ZNF704: variants seen among roughly 807,000 people sequenced by gnomAD.
ZNF704 encodes the protein zinc finger protein 704, also known as glucocorticoid induced gene 1.
Under a neutral mutation model 44.7 loss-of-function variants are expected in ZNF704, and 10 were observed. The observed-to-expected ratio is 0.22, with a 90% CI of 0.14 to 0.38. The LOEUF is 0.38. Among genes scored for constraint, ZNF704 ranks in the 10% least tolerant of loss-of-function variants. The pLI, the probability that ZNF704 is intolerant of heterozygous loss-of-function variation, is 1.00. For synonymous variants in ZNF704, 211 were observed against 207.6 expected (o/e 1.02, Z -0.14); for missense variants, 390 against 545.5 (o/e 0.71, Z 2.84).
At chr8:80,728,537 T>C (rs1806523026) in intron 2 of ZNF704, among the ~76,000 whole-genome samples, 1 of 152,194 alleles carries the variant, frequency 6.6e-6, no homozygotes, top group Admixed American at 6.5e-5. Flanking sequence ...AGTTAGGCAT[T>C]TCGTAAGGCA....
chr8:80,659,661 G>A lies in ZNF704; in HGVS notation c.956C>T (p.Ser319Leu), dbSNP rs1217613495. The A allele has an allele frequency of 2.5e-6, 4 of 1,613,838 alleles. No homozygotes were observed. The highest frequency in any genetic ancestry group is 1.3e-5 in the African/African-American group (1 of 74,908). ...GCTGCCATTGGGGGTGAACTTGGCC[G>A]ATCCTGGAATGGTCACAGGGGGTGT... is the stretch of plus-strand genomic sequence containing the variant. ...QATPPVTIPG[S>L]AKFTPNGSSF... is the part of the protein sequence containing the mutation. The change falls in exon 7 of 9, where the codon TCG (serine) becomes TTG (leucine). Residue 319 changes from serine to leucine, a missense_variant. Around this residue, in one of 3 missense-constraint regions of ZNF704, gnomAD observed 305 missense variants for 435.7 expected, o/e 0.70. Coordinates refer to ENST00000327835, the MANE Select transcript of ZNF704 (RefSeq NM_001033723.3).
chr8:80,845,595 G>A (rs1399830861), intron 1 of ZNF704, among the ~76,000 whole-genome samples: 1 of 152,154 alleles, frequency 6.6e-6, no homozygotes, highest in Non-Finnish European at 1.5e-5. Context: ...AAAGATTGTG[G>A]ACTTTACTGG....
intron 1 of ZNF704, among the ~76,000 whole-genome samples, chr8:80,823,940 C>G (rs925448475): frequency 6.6e-6 from 1 of 152,118 alleles, no homozygotes; most frequent in African/African-American, 2.4e-5. Context: ...CATCAAAGAC[C>G]AAAGGTAGAT....
chr8:80,682,886 T>C (rs1818476578), intron 4 of ZNF704, among the ~76,000 whole-genome samples: 1 of 152,212 alleles, frequency 6.6e-6, no homozygotes, highest in African/African-American at 2.4e-5. Flanking sequence ...GCCAAGTGAC[T>C]TGCTTAAGTC....
chr8:80,854,468 A>G (rs561506664), intron 1 of ZNF704, among the ~76,000 whole-genome samples: 46 of 152,354 alleles, frequency 3.0e-4, no homozygotes, highest in African/African-American at 1.0e-3. Flanking sequence ...ATATAATTAG[A>G]GGAACTTGCC....
At chr8:80,780,378 T>C (rs16908022) in intron 2 of ZNF704, among the ~76,000 whole-genome samples, 9,556 of 152,082 alleles carry the variant, frequency 0.063, 348 homozygotes, top group Middle Eastern at 0.13. Flanking sequence ...GAGAAGCGGA[T>C]GGAATCTTCA....
At chr8:80,789,349 T>C (rs1467445998) in intron 2 of ZNF704, among the ~76,000 whole-genome samples, 3 of 152,180 alleles carry the variant, frequency 2.0e-5, no homozygotes, top group African/African-American at 4.8e-5. Flanking sequence ...CCATCTTACA[T>C]TGATATATCA....
At chr8:80,844,961 T>G (rs977472341) in intron 1 of ZNF704, among the ~76,000 whole-genome samples, 2 of 152,062 alleles carry the variant, frequency 1.3e-5, no homozygotes, top group African/African-American at 4.8e-5. Flanking sequence ...ATTACAGGCA[T>G]GAGTCACTGC....
chr8:80,877,314 G>C (rs1281857169), upstream of ZNF704, among the ~76,000 whole-genome samples: 1 of 152,074 alleles, frequency 6.6e-6, no homozygotes, highest in African/African-American at 2.4e-5. Context: ...TGTTCAGGCA[G>C]GGAGAGCAGC....
rs749120457 is a variant in ZNF704, at chr8:80,727,350, TCAGA to T, written c.222-34247_222-34244del. Among the ~76,000 whole-genome samples, 6 of 152,190 alleles carry T rather than the reference TCAGA, an allele frequency of 3.9e-5. No individual in the cohort carries two copies. In the East Asian group the frequency reaches 1.2e-3, roughly 29 times the overall value. On this transcript the variant is annotated intron_variant, in intron 2 of 8. Transcript: ENST00000327835. Reference sequence around the variant, plus strand: ...GTGGAAGAGGGGAAAGATTCTGCTCTCAGACAAAGAAGGAGATGCAAAAGAAACA... The same window carrying T: ...GTGGAAGAGGGGAAAGATTCTGCTCTCAAAGAAGGAGATGCAAAAGAAACA...
chr8:80,658,702 T>C (rs1295364639), intron 7 of ZNF704: 1 of 152,254 alleles, frequency 6.6e-6, no homozygotes, highest in Non-Finnish European at 1.5e-5. Context: ...TTAATAAATA[T>C]TCATCAACAG....
chr8:80,816,204 T>C (rs1043827142), intron 2 of ZNF704, among the ~76,000 whole-genome samples: 4 of 152,158 alleles, frequency 2.6e-5, no homozygotes, highest in Non-Finnish European at 5.9e-5. Flanking sequence ...TCGATTCTTG[T>C]CCTCCTCTGA....
chr8:80,670,987 G>T (rs1224415430), intron 4 of ZNF704, among the ~76,000 whole-genome samples: 2 of 152,142 alleles, frequency 1.3e-5, no homozygotes, highest in Non-Finnish European at 2.9e-5. Flanking sequence ...TTTTACAGAC[G>T]CATAGAAAGC....
intron 5 of ZNF704, among the ~76,000 whole-genome samples, chr8:80,665,664 C>A (rs1466516878): frequency 6.6e-6 from 1 of 151,886 alleles, no homozygotes; most frequent in East Asian, 1.9e-4. Context: ...CTTGTACCCC[C>A]CCATTCAACC....
At chr8:80,773,371 G>C (rs1421394618) in intron 2 of ZNF704, among the ~76,000 whole-genome samples, 1 of 152,158 alleles carries the variant, frequency 6.6e-6, no homozygotes, top group Non-Finnish European at 1.5e-5. Context: ...CACTTTACCA[G>C]TTGAAGTGGA....
intron 4 of ZNF704, among the ~76,000 whole-genome samples, chr8:80,675,926 G>A (rs939997077): frequency 6.6e-6 from 1 of 152,134 alleles, no homozygotes; most frequent in Non-Finnish European, 1.5e-5. Flanking sequence ...AATGCAGTTA[G>A]AGATGATTAG....
At chr8:80,822,517 G>A (rs920874085) in intron 1 of ZNF704, among the ~76,000 whole-genome samples, 5 of 152,184 alleles carry the variant, frequency 3.3e-5, no homozygotes, top group African/African-American at 1.2e-4. Flanking sequence ...ATGTGTGCAT[G>A]TGTCTTTATA....
At chr8:80,877,185 GA>G (rs5892744), upstream of ZNF704, among the ~76,000 whole-genome samples, 16,476 of 59,592 alleles carry the variant, frequency 0.28, 1,150 homozygotes, top group Admixed American at 0.36. Context: ...CTCTGAATGG[GA>G]AAAAAAAAAA....
intron 2 of ZNF704, among the ~76,000 whole-genome samples, chr8:80,767,444 T>C (rs1032174819): frequency 2.0e-5 from 3 of 152,054 alleles, no homozygotes; most frequent in Admixed American, 6.6e-5. Context: ...GACTGCATAA[T>C]AGTTGCTAAA....
Sources: gnomAD v4.1 joint callset for allele counts (sites outside exome capture counted in the v4.1 genomes callset) on GRCh38, gnomAD v4.1.1 for gene constraint, gnomAD v4.1.1 regional missense constraint, MANE v1.5 for transcripts, NCBI Gene and HGNC (gene_info 2026-07-23, HGNC 2026-07-21) for gene names.